The following OGDH variants were observed in gnomAD, a reference collection of about 807,000 sequenced individuals.
OGDH encodes 2-oxoglutarate dehydrogenase complex component E1.
Under a neutral mutation model 116.6 loss-of-function variants are expected in OGDH, and 38 were observed. The ratio of observed to expected loss-of-function variants is 0.33; its 90% confidence interval spans 0.25 to 0.43. The LOEUF is 0.43. OGDH is among the 20% of genes least tolerant of loss of function. The probability of loss-of-function intolerance (pLI) is 1.00; values close to 1 mark genes in which losing one functional copy is unlikely to be tolerated. For synonymous variants in OGDH, 488 were observed against 533.3 expected (o/e 0.92, Z 1.17); for missense variants, 825 against 1,357.2 (o/e 0.61, Z 6.16).
rs368444157 is a variant in OGDH at position 44,707,596 on chromosome 7, C to T, written c.2811C>T (p.Pro937=). Residue 937 remains proline, a synonymous_variant, in exon 22 of 23, where the codon CCC becomes CCT. Coordinates refer to ENST00000222673, the MANE Select transcript of OGDH (RefSeq NM_002541.4). The surrounding 1 kb of genome is among the most constrained non-coding windows in gnomAD (Gnocchi z 5.2). ...ITRIEQLSPF[P]FDLLLKEVQK... ...CTGTCTCCTAGCTGTCGCCATTCCC[C>T]TTTGACCTCCTGCTGAAGGAGGTGC... 7.2e-5 allele frequency: 117 copies of T among 1,613,864 alleles called. No individual in the cohort carries two copies. Among genetic ancestry groups the T allele is most frequent in the Non-Finnish European group, 9.4e-5 (111 of 1,180,042 alleles).
intron 2 of OGDH, among the ~76,000 whole-genome samples, chr7:44,629,540 C>G (rs917858824): frequency 1.3e-5 from 2 of 151,522 alleles, no homozygotes; most frequent in African/African-American, 2.4e-5. Context: ...TTCTTGTTAA[C>G]TGATGCCCAT....
chr7:44,674,648 T>A, intron 7 of OGDH, 91 bp downstream of exon 7: 2 of 1,416,620 alleles, frequency 1.4e-6, no homozygotes, highest in Non-Finnish European at 2.0e-6. Flanking sequence ...GAGCAGCTGT[T>A]TCCTCCTTGA....
chr7:44,670,297 A>C (rs1787375264), intron 5 of OGDH, among the ~76,000 whole-genome samples: 1 of 152,326 alleles, frequency 6.6e-6, no homozygotes, highest in South Asian at 2.1e-4. Context: ...CAGTTCTGCC[A>C]GCTCTGTAAT....
intron 19 of OGDH, 48 bp downstream of exon 19, chr7:44,700,317 G>A: frequency 6.2e-7 from 1 of 1,607,436 alleles, no homozygotes; most frequent in African/African-American, 1.3e-5. Flanking sequence ...GCCCTGCCCT[G>A]TTGGTGCAGG....
intron 7 of OGDH, 90 bp from the exon 8 acceptor site, chr7:44,675,088 G>A (rs1787631777): frequency 3.0e-6 from 3 of 995,522 alleles, no homozygotes; most frequent in Non-Finnish European, 3.1e-6. Context: ...GTCCTGGGGG[G>A]AGGGGGAGGG....
intron 8 of OGDH, among the ~76,000 whole-genome samples, chr7:44,675,694 A>G (rs1585342155): frequency 1.3e-5 from 2 of 152,210 alleles, no homozygotes; most frequent in Middle Eastern, 6.8e-3. Context: ...CCTGACCAAC[A>G]TGGAGAAACC....
chr7:44,639,916 A>C (rs1276290719), intron 2 of OGDH, among the ~76,000 whole-genome samples: 1 of 152,210 alleles, frequency 6.6e-6, no homozygotes, highest in Non-Finnish European at 1.5e-5. Context: ...TTTTTTTCTG[A>C]CTGCCTCCAG....
At chr7:44,644,771 G>A (rs975327008) in intron 2 of OGDH, among the ~76,000 whole-genome samples, 6 of 152,214 alleles carry the variant, frequency 3.9e-5, no homozygotes, top group African/African-American at 1.2e-4. Context: ...TGTTCCCAGG[G>A]AAGTGAAAGG....
chr7:44,647,038 C>G (rs1311719761), intron 3 of OGDH, among the ~76,000 whole-genome samples: 1 of 152,222 alleles, frequency 6.6e-6, no homozygotes, highest in Non-Finnish European at 1.5e-5. Context: ...CCTCCTACCT[C>G]AGCCTCCCAA....
At chr7:44,695,850 G>A (rs1044888450) in intron 12 of OGDH, among the ~76,000 whole-genome samples, 175 bp from the exon 13 acceptor site, 1 of 152,158 alleles carries the variant, frequency 6.6e-6, no homozygotes, top group Non-Finnish European at 1.5e-5. Context: ...CAGGCCCAGA[G>A]GCTGAGATGT....
chr7:44,647,716 C>T lies in OGDH; in HGVS notation c.474C>T (p.Asp158=), dbSNP rs140338378. The T allele has an allele frequency of 2.3e-4, 369 of 1,614,050 alleles. 5 individuals carry two copies. The East Asian group carries it at 7.8e-3, about 34-fold the overall frequency. The change falls in exon 4 of 23, where the codon GAC becomes GAT. Residue 158 remains aspartate, a synonymous_variant. Coordinates refer to ENST00000222673, the MANE Select transcript of OGDH (RefSeq NM_002541.4). The part of the protein sequence containing the change: ...DPLGILDADL[D]SSVPADIISS... The stretch of plus-strand genomic sequence containing the variant: ...TGGGGATTTTGGATGCTGATCTGGA[C>T]TCCTCCGTGCCCGCTGACATTATCT...
chr7:44,703,083 C>T (rs1788910598), intron 20 of OGDH, among the ~76,000 whole-genome samples: 1 of 152,108 alleles, frequency 6.6e-6, no homozygotes. Flanking sequence ...CTGCGAGGTC[C>T]ATCCATGTTG....
intron 2 of OGDH, among the ~76,000 whole-genome samples, chr7:44,631,083 G>T (rs544031712): frequency 6.6e-6 from 1 of 152,212 alleles, no homozygotes; most frequent in East Asian, 1.9e-4. Context: ...GTGGCCCGGG[G>T]GTTGGGGATC....
chr7:44,648,361 C>T (rs891231845), intron 4 of OGDH, among the ~76,000 whole-genome samples: 2 of 152,146 alleles, frequency 1.3e-5, no homozygotes, highest in East Asian at 1.9e-4. Flanking sequence ...GGTTTTGTCA[C>T]GGTTGCCAGA....
intron 1 of OGDH, among the ~76,000 whole-genome samples, chr7:44,611,776 C>T: frequency 2.1e-5 from 3 of 143,844 alleles, no homozygotes; most frequent in South Asian, 4.4e-4. Flanking sequence ...TTTCTTTTTT[C>T]TTTTTTTTTT....
At chr7:44,680,539 TACAC>T (rs56718274) in intron 9 of OGDH, among the ~76,000 whole-genome samples, 2,574 of 145,904 alleles carry the variant, frequency 0.018, 56 homozygotes, top group South Asian at 0.06. Context: ...TTTTATTGCA[TACAC>T]ACACACACAC....
chr7:44,648,304 G>T (rs1458755247), intron 4 of OGDH, among the ~76,000 whole-genome samples: 1 of 152,178 alleles, frequency 6.6e-6, no homozygotes, highest in Admixed American at 6.5e-5. Flanking sequence ...TTCCCACAGC[G>T]TCAGGAGGTC....
At chr7:44,625,542 A>C (rs1024165136) in intron 2 of OGDH, among the ~76,000 whole-genome samples, 4 of 152,200 alleles carry the variant, frequency 2.6e-5, no homozygotes, top group African/African-American at 9.6e-5. Context: ...AGGAATTGGG[A>C]AGACAGTGTA....
chr7:44,672,783 C>T (rs1413196821), intron 5 of OGDH, among the ~76,000 whole-genome samples: 1 of 151,928 alleles, frequency 6.6e-6, no homozygotes, highest in Non-Finnish European at 1.5e-5. Flanking sequence ...GCTGGGATAA[C>T]AGGCACATGC....
Sources: allele counts gnomAD v4.1 joint callset (sites outside exome capture counted in the v4.1 genomes callset), GRCh38; gene constraint gnomAD v4.1.1; non-coding constraint Gnocchi (gnomAD v3.1); transcripts MANE v1.5; gene names NCBI Gene and HGNC (gene_info 2026-07-23, HGNC 2026-07-21).